Variants in ELAVL4 observed in about 807,000 individuals in gnomAD.
ELAVL4 encodes ELAV-like protein 4.
A neutral mutation model predicts 35.6 loss-of-function variants in ELAVL4; 1 was observed. The ratio of observed to expected loss-of-function variants is 0.03; its 90% confidence interval spans 0.01 to 0.13. ELAVL4 has a LOEUF of 0.13. Ranked by LOEUF, ELAVL4 falls within the 10% of genes least tolerant of loss-of-function variation. The probability of loss-of-function intolerance (pLI) is 1.00; values close to 1 mark genes in which losing one functional copy is unlikely to be tolerated. For synonymous variants in ELAVL4, 156 were observed against 171.0 expected (o/e 0.91, Z 0.69); for missense variants, 267 against 464.9 (o/e 0.57, Z 3.91).
intron 6 of ELAVL4, among the ~76,000 whole-genome samples, chr1:50,200,003 C>A (rs944017879): frequency 6.6e-6 from 1 of 152,128 alleles, no homozygotes; most frequent in South Asian, 2.1e-4. Context: ...TAATGTATAG[C>A]GATTCAAGAT....
intron 2 of ELAVL4, among the ~76,000 whole-genome samples, chr1:50,153,177 T>C (rs1675098566): frequency 6.6e-6 from 1 of 151,904 alleles, no homozygotes; most frequent in Non-Finnish European, 1.5e-5. Context: ...GAAGTGGAGG[T>C]TGTTTTGTTT....
chr1:50,199,534 C>T (rs576429559), intron 6 of ELAVL4, among the ~76,000 whole-genome samples: 6 of 152,158 alleles, frequency 3.9e-5, no homozygotes, highest in African/African-American at 1.4e-4. Flanking sequence ...GGCAAAACCC[C>T]GTCTCTACTA....
At chr1:50,141,429 G>A (rs1001593782) in intron 1 of ELAVL4, among the ~76,000 whole-genome samples, 16 of 152,066 alleles carry the variant, frequency 1.1e-4, no homozygotes, top group Non-Finnish European at 2.1e-4. Context: ...GTTCATTATC[G>A]AGTTGGCAGT....
intron 1 of ELAVL4, among the ~76,000 whole-genome samples, chr1:50,055,204 A>G (rs919762388): frequency 6.6e-6 from 1 of 152,196 alleles, no homozygotes; most frequent in African/African-American, 2.4e-5. Context: ...AATAATAGAT[A>G]TCCAGTAAAT....
intron 1 of ELAVL4, among the ~76,000 whole-genome samples, chr1:50,050,402 C>CA (rs745981345): frequency 1.1e-4 from 16 of 152,256 alleles, no homozygotes; most frequent in Admixed American, 2.6e-4. Flanking sequence ...GTGTTGGTTA[C>CA]AAAGGTATAT....
At chr1:50,094,339 G>A (rs1264051068) in intron 1 of ELAVL4, among the ~76,000 whole-genome samples, 3 of 152,120 alleles carry the variant, frequency 2.0e-5, no homozygotes, top group Non-Finnish European at 4.4e-5. Flanking sequence ...CCACTTTATA[G>A]ACCATTCATT....
intron 3 of ELAVL4, among the ~76,000 whole-genome samples, chr1:50,193,363 GA>G (rs1179276018): frequency 2.1e-5 from 1 of 47,726 alleles, no homozygotes; most frequent in African/African-American, 5.2e-5. Flanking sequence ...AGAATTTCAT[GA>G]GGTTTTTTTT....
At chr1:50,197,313 T>C (rs989516417) in intron 5 of ELAVL4, 116 bp from the exon 6 acceptor site, 3 of 1,015,876 alleles carry the variant, frequency 3.0e-6, no homozygotes, top group African/African-American at 1.7e-5. Flanking sequence ...TCCTAAGCAG[T>C]GGGGAAAGTT....
chr1:50,151,303 G>A (rs1208446589), intron 2 of ELAVL4, among the ~76,000 whole-genome samples: 2 of 152,266 alleles, frequency 1.3e-5, no homozygotes, highest in East Asian at 3.9e-4. Flanking sequence ...AACATAATTA[G>A]AGCTCAGAAT....
chr1:50,097,201 C>T (rs970971702), intron 1 of ELAVL4, among the ~76,000 whole-genome samples: 14 of 152,136 alleles, frequency 9.2e-5, no homozygotes, highest in Admixed American at 8.5e-4. Context: ...GCCTGGGTGA[C>T]AGAGCAAGAC....
In ELAVL4 at chr1:50,195,664, G is replaced by C. The variant is rs779827968; in HGVS notation, c.612G>C (p.Pro204=). The C allele has an allele frequency of 1.2e-6, 2 of 1,614,154 alleles. No homozygotes were observed. Among genetic ancestry groups the C allele is most frequent in the South Asian group, 1.1e-5 (1 of 91,086 alleles). Residue 204 remains proline (P), a synonymous_variant, in exon 5 of 7, where the codon CCG becomes CCC. Coordinates refer to ENST00000371824, the MANE Select transcript of ELAVL4 (RefSeq NM_001144774.3). The part of the protein sequence containing the change: ...NGQKPSGATE[P]ITVKFANNPS... ...AGAAGCCCAGCGGTGCTACGGAACC[G>C]ATTACTGTGAAGTTTGCCAACAACC...
At chr1:50,184,253 T>C (rs1572579201) in intron 3 of ELAVL4, among the ~76,000 whole-genome samples, 1 of 152,282 alleles carries the variant, frequency 6.6e-6, no homozygotes, top group East Asian at 1.9e-4. Context: ...AGTTCATTCA[T>C]AGTGTCCTGT....
At chr1:50,169,388 C>G (rs1678579323) in intron 2 of ELAVL4, among the ~76,000 whole-genome samples, 1 of 152,130 alleles carries the variant, frequency 6.6e-6, no homozygotes, top group South Asian at 2.1e-4. Context: ...AACTATCATA[C>G]CTATTTAAAA....
chr1:50,048,494 C>G (rs1663187753), intron 1 of ELAVL4, among the ~76,000 whole-genome samples: 1 of 152,146 alleles, frequency 6.6e-6, no homozygotes, highest in African/African-American at 2.4e-5. Context: ...ACGCGCGCCC[C>G]CTCCCCAGCG....
intron 1 of ELAVL4, among the ~76,000 whole-genome samples, chr1:50,134,040 G>T (rs1188455275): frequency 6.6e-6 from 1 of 151,952 alleles, no homozygotes; most frequent in African/African-American, 2.4e-5. Flanking sequence ...CCTCACCCTG[G>T]TTATGTTAAG....
At position 50,202,367 on chromosome 1, in the gene ELAVL4, A is replaced by G. The variant is rs897826339; in HGVS notation, c.*1189A>G. 1 of 152,210 alleles carries G rather than the reference A, an allele frequency of 6.6e-6. No homozygotes were observed. Among genetic ancestry groups the G allele is most frequent in the Admixed American group, 6.5e-5 (1 of 15,284 alleles). The allele number at this position is 152,210 out of a possible 1,614,324, so 9.4% of individuals were successfully genotyped here. On this transcript the variant is annotated 3_prime_UTR_variant, in exon 7 of 7. Transcript: ENST00000371824. ...TGCTACAAAATTATTTACATATCTT[A>G]GTATCATAGTTAAATGTAATGTGTT...
At chr1:50,130,633 T>A (rs1670692452) in intron 1 of ELAVL4, among the ~76,000 whole-genome samples, 1 of 152,204 alleles carries the variant, frequency 6.6e-6, no homozygotes. Flanking sequence ...GTATGTACTT[T>A]TTCCATTACT....
chr1:50,175,291 T>C (rs368953941), intron 2 of ELAVL4, among the ~76,000 whole-genome samples: 3 of 152,068 alleles, frequency 2.0e-5, no homozygotes, highest in East Asian at 3.9e-4. Flanking sequence ...TTTAAACCAA[T>C]GAAATTGGTC....
At chr1:50,161,170 C>A (rs904548885) in intron 2 of ELAVL4, among the ~76,000 whole-genome samples, 8 of 152,162 alleles carry the variant, frequency 5.3e-5, no homozygotes, top group African/African-American at 1.9e-4. Flanking sequence ...ACCTTTGTTT[C>A]ATGTGAGAGT....
Sources: gnomAD v4.1 joint callset for allele counts (sites outside exome capture counted in the v4.1 genomes callset) on GRCh38, gnomAD v4.1.1 for gene constraint, MANE v1.5 for transcripts, NCBI Gene and HGNC (gene_info 2026-07-23, HGNC 2026-07-21) for gene names.